Variants in NOC2L observed in about 807,000 individuals in gnomAD.
NOC2L encodes the protein NOC2 like nucleolar associated transcriptional repressor, also known as nucleolar complex protein 2 homolog.
Under a neutral mutation model 94.2 loss-of-function variants are expected in NOC2L, and 101 were observed. That is an observed-to-expected ratio of 1.07 (90% CI 0.91 to 1.26). The LOEUF is 1.26. NOC2L is among the 50% of genes most tolerant of loss of function. The pLI, the probability that NOC2L is intolerant of heterozygous loss-of-function variation, is 0.00. For missense variants in NOC2L, 1,076 were observed against 980.1 expected, an observed-to-expected ratio of 1.10 and a Z score of -1.31; for synonymous variants, 531 against 413.4, an observed-to-expected ratio of 1.28 and a Z score of -3.45.
chr1:957,490 G>C (rs1319442389), intron 2 of NOC2L: 2 of 570,050 alleles, frequency 3.5e-6, no homozygotes, highest in Non-Finnish European at 6.3e-6. Context: ...GGTCTTCCCT[G>C]GACTTGCTGT....
chr1:946,082 C>A, intron 16 of NOC2L, 91 bp downstream of exon 16: 1 of 1,014,574 alleles, frequency 9.9e-7, no homozygotes, highest in Non-Finnish European at 1.5e-6. Context: ...GCACTGTTTC[C>A]AAACCCTCGC....
chr1:952,018 A>C lies in NOC2L; in HGVS notation c.1313T>G (p.Val438Gly). Residue 438 changes from valine to glycine, a missense_variant, in exon 11 of 19, where the codon GTC becomes GGC. By Grantham distance (109) the Val-to-Gly change is moderately radical. Around this residue, in one of 3 missense-constraint regions of NOC2L, gnomAD observed 615 missense variants for 577.4 expected, o/e 1.07. Transcript: ENST00000327044. Reference sequence around the variant, plus strand: ...AACTCACTTGATACAGCCAATGATGACTTGGGCAAGGGGGTAGACCAAGGG... The same window carrying C: ...AACTCACTTGATACAGCCAATGATGCCTTGGGCAAGGGGGTAGACCAAGGG... ...LQPLVYPLAQ[V>G]IIGCIKLIPT... 1 of 1,612,810 alleles carries C rather than the reference A, an allele frequency of 6.2e-7. No homozygotes were observed. Among genetic ancestry groups the C allele is most frequent in the South Asian group, 1.1e-5 (1 of 91,016 alleles).
chr1:951,330 G>C (rs1285192959), intron 11 of NOC2L, 92 bp from the exon 12 acceptor site: 2 of 959,338 alleles, frequency 2.1e-6, no homozygotes, highest in Non-Finnish European at 3.3e-6. Context: ...CCCACTCACC[G>C]ACATCAGACC....
At chr1:957,637 T>C (rs1642449016) in intron 2 of NOC2L, 3 of 243,754 alleles carry the variant, frequency 1.2e-5, no homozygotes, top group Admixed American at 4.9e-5. Context: ...CTGTCTCTAA[T>C]ACCCAGCACG....
intron 2 of NOC2L, chr1:958,524 A>G (rs2100400508): frequency 2.6e-6 from 1 of 381,284 alleles, no homozygotes; most frequent in African/African-American, 2.1e-5. Flanking sequence ...TGCTGGCATT[A>G]CAGGCGTGAG....
Position 946,331 on chromosome 1 carries a change from A to G in NOC2L, c.1804-45T>C, listed in dbSNP as rs779988573. ...CAGGGTCATGCCTCACCCTGGGCAA[A>G]CCCCCACATGTAGCTGGGGCTATAC... On this transcript the variant is annotated intron_variant, in intron 15 of 18. Coordinates refer to ENST00000327044, the MANE Select transcript of NOC2L (RefSeq NM_015658.4). 1.6e-5 allele frequency: 25 copies of G among 1,611,312 alleles called. No homozygotes were observed. The Admixed American group carries it at 4.0e-4, about 26-fold the overall frequency.
At chr1:946,070 T>C in intron 16 of NOC2L, 103 bp downstream of exon 16, 2 of 884,616 alleles carry the variant, frequency 2.3e-6, no homozygotes, top group Non-Finnish European at 1.8e-6. Flanking sequence ...CCTGGCCGCC[T>C]GGCACTGTTT....
Position 955,933 on chromosome 1 carries a change from C to A in NOC2L, c.688G>T (p.Asp230Tyr), listed in dbSNP as rs201024260. Residue 230 changes from aspartate to tyrosine, a missense_variant, in exon 6 of 19, where the codon GAT becomes TAT. By Grantham distance (160) the Asp-to-Tyr change is radical. Around this residue, in one of 3 missense-constraint regions of NOC2L, gnomAD observed 457 missense variants for 386.0 expected, o/e 1.18. Coordinates refer to ENST00000327044, the MANE Select transcript of NOC2L (RefSeq NM_015658.4). The part of the protein sequence containing the change: ...QKLLFGKVAK[D>Y]SSRMLQPSSS... ...CCCCTCCCCTCTTACCTGCTGCTATCCTTTGCCACCTTTCCAAACAGCAGC... is the reference window on the plus strand; with the variant it reads ...CCCCTCCCCTCTTACCTGCTGCTATACTTTGCCACCTTTCCAAACAGCAGC... 3 of 1,572,316 alleles carry A rather than the reference C, an allele frequency of 1.9e-6. No homozygotes were observed. Among genetic ancestry groups the A allele is most frequent in the Non-Finnish European group, 2.6e-6 (3 of 1,150,486 alleles).
chr1:959,058 TCCA>T lies in NOC2L; in HGVS notation c.47_49del (p.Val16del). 6.2e-7 allele frequency: 1 copy of T among 1,609,828 alleles called. No individual in the cohort carries two copies. Among genetic ancestry groups the T allele is most frequent in the Non-Finnish European group, 8.5e-7 (1 of 1,177,844 alleles). On this transcript the variant is annotated inframe_deletion, in exon 2 of 19. Transcript: ENST00000327044. ...GTCAAAGCCCGAAGCTAGGAACTCG[TCCA>T]CCGTCAGCTCCGCCAGGCGCCTGCG...
intron 12 of NOC2L, among the ~76,000 whole-genome samples, chr1:949,491 G>A (rs1320346640): frequency 2.0e-5 from 3 of 152,340 alleles, no homozygotes; most frequent in African/African-American, 7.2e-5. Context: ...GGCAGGCACG[G>A]CCTACAGCTG....
At position 946,384 on chromosome 1, in the gene NOC2L, C is replaced by G. The variant is rs751896300; in HGVS notation, c.1803+18G>C. On this transcript the variant is annotated intron_variant, in intron 15 of 18. Coordinates refer to ENST00000327044, the MANE Select transcript of NOC2L (RefSeq NM_015658.4). ...TGGCAGGTGCCCTCAGGTGGCACTA[C>G]CCCCAGGGCCCACTAACCACTGCCT... 1 of 1,613,454 alleles carries G rather than the reference C, an allele frequency of 6.2e-7. No individual in the cohort carries two copies. Among genetic ancestry groups the G allele is most frequent in the Admixed American group, 1.7e-5 (1 of 60,012 alleles).
At position 952,423 on chromosome 1, in the gene NOC2L, T is replaced by G. The variant is rs143404316; in HGVS notation, c.1180A>C (p.Thr394Pro). 7.1e-5 allele frequency: 114 copies of G among 1,613,048 alleles called. 1 individual carries two copies. The highest frequency in any genetic ancestry group is 8.7e-5 in the Non-Finnish European group (103 of 1,179,744). ...LAIHLRNAMT[T>P]RKKETYQSVY... ...GCCCCACCACACACCTTCTTGCGAGTGGTCATGGCGTTGCGCAGGTGTATG... is the reference window on the plus strand; with the variant it reads ...GCCCCACCACACACCTTCTTGCGAGGGGTCATGGCGTTGCGCAGGTGTATG... The change falls in exon 10 of 19, where the codon ACT (threonine) becomes CCT (proline). Residue 394 changes from threonine (T) to proline (P), a missense_variant. By Grantham distance (38) the Thr-to-Pro change is conservative. Coordinates refer to ENST00000327044, the MANE Select transcript of NOC2L (RefSeq NM_015658.4).
Position 948,521 on chromosome 1 carries a change from G to A in NOC2L, c.1526C>T (p.Ser509Phe), listed in dbSNP as rs1199404966. ...CGCCTTCTCCTGCAGGTTGACATTG[G>A]ACAGCTTCAGGATCACGGAGAAGTT... ...PINFSVILKLSNVNLQEKAYR... is the reference protein window; with the variant it reads ...PINFSVILKLFNVNLQEKAYR... The change falls in exon 13 of 19, where the codon TCC (serine) becomes TTC (phenylalanine). Residue 509 changes from serine (S) to phenylalanine (F), a missense_variant. Around this residue, in one of 3 missense-constraint regions of NOC2L, gnomAD observed 615 missense variants for 577.4 expected, o/e 1.07. Transcript: ENST00000327044. The A allele has an allele frequency of 6.2e-7, 1 of 1,613,364 alleles. No homozygotes were observed. Among genetic ancestry groups the A allele is most frequent in the Non-Finnish European group, 8.5e-7 (1 of 1,179,846 alleles).
intron 17 of NOC2L, 69 bp from the exon 18 acceptor site, chr1:945,215 G>A (rs1367061238): frequency 3.9e-6 from 6 of 1,525,178 alleles, no homozygotes; most frequent in Non-Finnish European, 5.3e-6. Flanking sequence ...CACAGTGGGG[G>A]CAGGAGGGTG....
Position 958,480 on chromosome 1 carries a change from C to T in NOC2L, c.179+449G>A, listed in dbSNP as rs925964603. 5 of 354,736 alleles carry T rather than the reference C, an allele frequency of 1.4e-5. No individual in the cohort carries two copies. The Admixed American group carries it at 1.9e-4, about 14-fold the overall frequency. 22.0% of individuals were successfully genotyped at this position (354,736 alleles called of 1,614,324 possible). ...GGTCAGGCTGGTCTCGAATTCCTGA[C>T]CTCAGGTAATCTGCCCGCCTCGGCC... On this transcript the variant is annotated intron_variant, in intron 2 of 18. Coordinates refer to ENST00000327044, the MANE Select transcript of NOC2L (RefSeq NM_015658.4).
chr1:945,394 C>T (rs1310784143), intron 17 of NOC2L, 124 bp downstream of exon 17: 8 of 1,262,250 alleles, frequency 6.3e-6, no homozygotes, highest in South Asian at 1.5e-5. Context: ...TGAGGTTGGC[C>T]CCAGCTGGGC....
At position 957,222 on chromosome 1, in the gene NOC2L, C is replaced by G; in HGVS notation, c.231G>C (p.Lys77Asn). 2 of 1,613,670 alleles carry G rather than the reference C, an allele frequency of 1.2e-6. No homozygotes were observed. The highest frequency in any genetic ancestry group is 1.7e-6 in the Non-Finnish European group (2 of 1,179,978). ...ACTTGTAGAACTCGGGGTCTCTGTC[C>G]TTCAGCCGAGAGAGCTGGTCTTTGT... ...SEHKDQLSRLKDRDPEFYKFL... is the reference protein window; with the variant it reads ...SEHKDQLSRLNDRDPEFYKFL... Residue 77 changes from lysine to asparagine, a missense_variant, in exon 3 of 19, where the codon AAG (lysine) becomes AAC (asparagine). Lys to Asn is a moderately conservative substitution (Grantham distance 94). Around this residue, in one of 3 missense-constraint regions of NOC2L, gnomAD observed 457 missense variants for 386.0 expected, o/e 1.18. Transcript: ENST00000327044.
At position 954,067 on chromosome 1, in the gene NOC2L, G is replaced by A. The variant is rs1287361506; in HGVS notation, c.714C>T (p.Ser238=). Residue 238 remains serine, a synonymous_variant, in exon 7 of 19, where the codon TCC becomes TCT. Transcript: ENST00000327044. The stretch of plus-strand genomic sequence containing the variant: ...GAAGCTTCCCCCAGAGCGGGCTGCT[G>A]GACGGCTGCAGCATCCTGCAGAGAG... ...AKDSSRMLQP[S]SSPLWGKLRV... 1 of 1,611,270 alleles carries A rather than the reference G, an allele frequency of 6.2e-7. No individual in the cohort carries two copies. Among genetic ancestry groups the A allele is most frequent in the Non-Finnish European group, 8.5e-7 (1 of 1,178,380 alleles).
intron 6 of NOC2L, among the ~76,000 whole-genome samples, chr1:955,555 C>G (rs995780576): frequency 4.2e-4 from 64 of 152,206 alleles, no homozygotes; most frequent in African/African-American, 1.4e-3. Flanking sequence ...CTCCAGGAAA[C>G]AGGCCAGTCA....
Sources: gnomAD v4.1 joint callset for allele counts (sites outside exome capture counted in the v4.1 genomes callset) on GRCh38, gnomAD v4.1.1 for gene constraint, gnomAD v4.1.1 regional missense constraint, MANE v1.5 for transcripts, NCBI Gene and HGNC (gene_info 2026-07-23, HGNC 2026-07-21) for gene names.